Variants in LEF1 observed in about 807,000 individuals in gnomAD.
LEF1 encodes the protein lymphoid enhancer-binding factor 1.
In LEF1, 14 loss-of-function variants were observed where a neutral mutation model predicts 51.2. The observed-to-expected ratio is 0.27, with a 90% CI of 0.18 to 0.43. The LOEUF is 0.43. LEF1 is among the 20% of genes least tolerant of loss of function. The pLI, the probability that LEF1 is intolerant of heterozygous loss-of-function variation, is 1.00. For synonymous variants in LEF1, 185 were observed against 183.2 expected (o/e 1.01, Z -0.08); for missense variants, 386 against 512.0 (o/e 0.75, Z 2.37).
At chr4:108,057,275 C>T (rs554472509) in intron 11 of LEF1, among the ~76,000 whole-genome samples, 43 of 152,238 alleles carry the variant, frequency 2.8e-4, no homozygotes, top group Non-Finnish European at 5.3e-4. Flanking sequence ...AAGAGTTCTT[C>T]AGCTGCCTCC....
rs139231288 is a variant in LEF1, at chr4:108,086,829, TAC to T, written c.547+2294_547+2295del. ...GTACTGTCCCTTACACACACACACT[TAC>T]ACACACACACACACACACGTGAAAA... On this transcript the variant is annotated intron_variant, in intron 4 of 11. Coordinates refer to ENST00000265165, the MANE Select transcript of LEF1 (RefSeq NM_016269.5). Among the ~76,000 whole-genome samples the T allele has an allele frequency of 4.4e-3, 654 of 149,408 alleles. 8 individuals carry two copies. Among genetic ancestry groups the T allele is most frequent in the African/African-American group, 0.015 (610 of 40,702 alleles).
At chr4:108,133,549 T>C (rs1578382173) in intron 3 of LEF1, among the ~76,000 whole-genome samples, 2 of 152,182 alleles carry the variant, frequency 1.3e-5, no homozygotes, top group East Asian at 3.9e-4. Flanking sequence ...AACTATGTCC[T>C]TTAAAAAAAA....
intron 3 of LEF1, among the ~76,000 whole-genome samples, chr4:108,136,197 A>C (rs1743251893): frequency 6.6e-6 from 1 of 152,210 alleles, no homozygotes; most frequent in Admixed American, 6.5e-5. Flanking sequence ...TTCTAAAATA[A>C]ATGTGCAAAC....
intron 3 of LEF1, among the ~76,000 whole-genome samples, chr4:108,126,316 T>C (rs1289931855): frequency 1.3e-5 from 2 of 152,164 alleles, no homozygotes; most frequent in Non-Finnish European, 2.9e-5. Flanking sequence ...AACTAGGACT[T>C]AAACTGATTA....
chr4:108,096,104 A>C (rs1411038222), intron 3 of LEF1, among the ~76,000 whole-genome samples: 3 of 152,214 alleles, frequency 2.0e-5, no homozygotes, highest in Non-Finnish European at 4.4e-5. Flanking sequence ...AAACATTTGC[A>C]ACTTACTTAC....
At chr4:108,133,958 C>A (rs1222085213) in intron 3 of LEF1, among the ~76,000 whole-genome samples, 1 of 152,162 alleles carries the variant, frequency 6.6e-6, no homozygotes, top group Admixed American at 6.5e-5. Context: ...TGGGGCTGCA[C>A]GTCTTACAAC....
At chr4:108,088,058 C>T (rs376511166) in intron 4 of LEF1, among the ~76,000 whole-genome samples, 4 of 152,208 alleles carry the variant, frequency 2.6e-5, no homozygotes, top group African/African-American at 9.7e-5. Context: ...TTTCAAAGTA[C>T]TCAGACTCTA....
intron 3 of LEF1, among the ~76,000 whole-genome samples, chr4:108,114,365 G>A (rs533433456): frequency 4.6e-5 from 7 of 152,240 alleles, no homozygotes; most frequent in Admixed American, 2.6e-4. Context: ...TGTATGCAAA[G>A]AATCATATAT....
chr4:108,099,570 G>GTGTGTA (rs1266681210), intron 3 of LEF1, among the ~76,000 whole-genome samples: 77 of 70,170 alleles, frequency 1.1e-3, no homozygotes, highest in Non-Finnish European at 1.7e-3. Flanking sequence ...GTGTGTGTGT[G>GTGTGTA]TATATATATA....
chr4:108,141,859 A>G (rs1437384481), intron 3 of LEF1, among the ~76,000 whole-genome samples: 2 of 152,208 alleles, frequency 1.3e-5, no homozygotes, highest in Admixed American at 1.3e-4. Context: ...CTGTAATTGG[A>G]ACATGCAAAG....
chr4:108,133,578 G>C (rs1743045368), intron 3 of LEF1, among the ~76,000 whole-genome samples: 1 of 152,130 alleles, frequency 6.6e-6, no homozygotes, highest in Non-Finnish European at 1.5e-5. Flanking sequence ...AAGGAAATGG[G>C]GTCTTGCTGT....
At position 108,048,681 on chromosome 4, in the gene LEF1, T is replaced by C; in HGVS notation, c.*77A>G. 1 of 1,602,788 alleles carries C rather than the reference T, an allele frequency of 6.2e-7. No homozygotes were observed. The highest frequency in any genetic ancestry group is 1.1e-5 in the South Asian group (1 of 88,952). On this transcript the variant is annotated 3_prime_UTR_variant, in exon 12 of 12. Coordinates refer to ENST00000265165, the MANE Select transcript of LEF1 (RefSeq NM_016269.5). ...GAGACAGTCTGGGTTTTCAACAAGC[T>C]TCCATCTCCAGAAGAGGTCCTGGGG... is the stretch of plus-strand genomic sequence containing the variant.
intron 3 of LEF1, among the ~76,000 whole-genome samples, chr4:108,144,557 A>G (rs1367939940): frequency 9.9e-5 from 15 of 152,202 alleles, no homozygotes; most frequent in Admixed American, 9.8e-4. Flanking sequence ...CTTCTTTTCA[A>G]GCGGTTTCAT....
intron 4 of LEF1, among the ~76,000 whole-genome samples, chr4:108,088,750 C>CTCCTT (rs1274395007): frequency 5.8e-5 from 2 of 34,556 alleles, no homozygotes; most frequent in Non-Finnish European, 1.8e-4. Context: ...AAGAATAAAT[C>CTCCTT]TCCTACTTTC....
intron 3 of LEF1, among the ~76,000 whole-genome samples, chr4:108,145,575 T>C (rs72660438): frequency 0.013 from 1,963 of 152,278 alleles, 17 homozygotes; most frequent in Middle Eastern, 0.02. Flanking sequence ...CAATATGGAT[T>C]AAATCAGCTC....
intron 4 of LEF1, among the ~76,000 whole-genome samples, chr4:108,083,828 T>C (rs1230545832): frequency 6.6e-6 from 1 of 152,230 alleles, no homozygotes; most frequent in Admixed American, 6.5e-5. Flanking sequence ...CGTAAGTAGA[T>C]GGCTTGCCAC....
chr4:108,163,900 G>A (rs1340772942), intron 2 of LEF1, among the ~76,000 whole-genome samples, 199 bp from the exon 3 acceptor site: 2 of 152,198 alleles, frequency 1.3e-5, no homozygotes, highest in African/African-American at 2.4e-5. Context: ...CAGCAAACCA[G>A]ATGTTTTAAA....
chr4:108,122,481 T>C (rs1243430491), intron 3 of LEF1, among the ~76,000 whole-genome samples: 1 of 152,096 alleles, frequency 6.6e-6, no homozygotes, highest in East Asian at 1.9e-4. Context: ...CCCATTCATT[T>C]TTGTTTTTGT....
Position 108,062,341 on chromosome 4 carries a change from G to A in LEF1, c.*6+1282C>T, listed in dbSNP as rs117723007. Among the ~76,000 whole-genome samples, 8 of 152,292 alleles carry A rather than the reference G, an allele frequency of 5.3e-5. No individual in the cohort carries two copies. The East Asian group carries it at 5.8e-4, about 11-fold the overall frequency. On this transcript the variant is annotated intron_variant, in intron 11 of 11. Transcript: ENST00000265165. ...TCTTCTCCTAAGAAACACTGCACAC[G>A]TCTATCCAGTCCTCTGTAGAGGAAA...
Sources: gnomAD v4.1 joint callset for allele counts (sites outside exome capture counted in the v4.1 genomes callset) on GRCh38, gnomAD v4.1.1 for gene constraint, MANE v1.5 for transcripts, NCBI Gene and HGNC (gene_info 2026-07-23, HGNC 2026-07-21) for gene names.